Variants in TNFAIP8 observed in about 807,000 individuals in gnomAD.
TNFAIP8 encodes the protein tumor necrosis factor alpha-induced protein 8.
In TNFAIP8, 7 loss-of-function variants were observed where a neutral mutation model predicts 13.3. The observed-to-expected ratio is 0.52, with a 90% CI of 0.30 to 0.99. The LOEUF (loss-of-function observed/expected upper bound fraction) is 0.99, where lower values mean the gene tolerates loss of function less well. Among genes scored for constraint, TNFAIP8 ranks in the 50% least tolerant of loss-of-function variants. The probability of loss-of-function intolerance (pLI) is 0.07; values close to 1 mark genes in which losing one functional copy is unlikely to be tolerated. For synonymous variants in TNFAIP8, 94 were observed against 87.6 expected, an observed-to-expected ratio of 1.07 and a Z score of -0.41; for missense variants, 258 against 236.9, an observed-to-expected ratio of 1.09 and a Z score of -0.58.
chr5:119,322,228 C>T (rs1381537947), intron 1 of TNFAIP8, among the ~76,000 whole-genome samples: 4 of 152,178 alleles, frequency 2.6e-5, no homozygotes, highest in Non-Finnish European at 5.9e-5. Context: ...CCTGTTTTTC[C>T]AGCTATTTTG....
rs1753019208 is a variant in TNFAIP8 at position 119,394,463 on chromosome 5, T to C, written c.*1082T>C. 1 of 152,176 alleles carries C rather than the reference T, an allele frequency of 6.6e-6. No homozygotes were observed. The highest frequency in any genetic ancestry group is 1.5e-5 in the Non-Finnish European group (1 of 68,028). The allele number at this position is 152,176 out of a possible 1,614,324, so 9.4% of individuals were successfully genotyped here. ...TATTTCAAGCAGTTTGTGTGGTGTT[T>C]CTATATAATTTTCTGTGTATAAATA... On this transcript the variant is annotated 3_prime_UTR_variant, in exon 2 of 2. Transcript: ENST00000504771.
chr5:119,314,732 A>C, intron 1 of TNFAIP8, among the ~76,000 whole-genome samples: 1 of 152,200 alleles, frequency 6.6e-6, no homozygotes, highest in Non-Finnish European at 1.5e-5. Flanking sequence ...TGCCTTGGAT[A>C]AATTTCTTAA....
intron 1 of TNFAIP8, among the ~76,000 whole-genome samples, chr5:119,272,977 C>T (rs545315751): frequency 6.6e-6 from 1 of 152,166 alleles, no homozygotes; most frequent in Non-Finnish European, 1.5e-5. Context: ...CCTCTGGGTT[C>T]GTTTCTTTAA....
intron 1 of TNFAIP8, among the ~76,000 whole-genome samples, chr5:119,322,267 A>G (rs532308338): frequency 2.6e-5 from 4 of 152,334 alleles, no homozygotes; most frequent in South Asian, 2.1e-4. Context: ...CTCTATCCCC[A>G]GCACCATCAG....
At chr5:119,369,773 G>A (rs1394217223) in intron 1 of TNFAIP8, among the ~76,000 whole-genome samples, 1 of 152,176 alleles carries the variant, frequency 6.6e-6, no homozygotes, top group Non-Finnish European at 1.5e-5. Context: ...AGGCTTGGTA[G>A]GACCTTTTTC....
At chr5:119,386,101 A>C (rs913426415) in intron 1 of TNFAIP8, among the ~76,000 whole-genome samples, 1 of 152,212 alleles carries the variant, frequency 6.6e-6, no homozygotes, top group Non-Finnish European at 1.5e-5. Context: ...GAAAAAGAAC[A>C]CTAGTGCATT....
intron 1 of TNFAIP8, among the ~76,000 whole-genome samples, chr5:119,358,099 C>CTTT (rs5870854): frequency 2.1e-5 from 3 of 141,688 alleles, no homozygotes; most frequent in African/African-American, 5.2e-5. Context: ...TTATACGTAG[C>CTTT]TTTTTTTTTT....
In TNFAIP8 at chr5:119,356,110, A is replaced by G. The variant is rs1751399511; in HGVS notation, c.20A>G (p.Glu7Gly). The G allele has an allele frequency of 1.3e-6, 2 of 1,586,856 alleles. No individual in the cohort carries two copies. The change falls in exon 1 of 2, where the codon GAA becomes GGA. Residue 7 changes from glutamate (E) to glycine (G), a missense_variant. Glu to Gly is a moderately conservative substitution (Grantham distance 98, BLOSUM62 -2). Coordinates refer to ENST00000504771, the MANE Select transcript of TNFAIP8 (RefSeq NM_014350.4). MHSEAE[E>G]SKEVATDVFN... is the part of the protein sequence containing the mutation. ...GACATTATGCACTCCGAAGCAGAAG[A>G]ATCCAAGGAAGGTAGGATTCTGGTT...
intron 1 of TNFAIP8, among the ~76,000 whole-genome samples, chr5:119,342,410 G>T (rs939207759): frequency 6.6e-6 from 1 of 152,236 alleles, no homozygotes; most frequent in East Asian, 1.9e-4. Context: ...TGTAAGAGCT[G>T]GGTGTCACCC....
intron 1 of TNFAIP8, among the ~76,000 whole-genome samples, chr5:119,299,830 A>C (rs1435941940): frequency 6.6e-6 from 1 of 152,032 alleles, no homozygotes; most frequent in Non-Finnish European, 1.5e-5. Context: ...CCCTTCCCCC[A>C]GCCTCGCTGC....
intron 1 of TNFAIP8, among the ~76,000 whole-genome samples, chr5:119,370,955 A>G (rs1258833293): frequency 6.6e-6 from 1 of 152,184 alleles, no homozygotes; most frequent in Admixed American, 6.5e-5. Flanking sequence ...TTTTGCCTGT[A>G]TCTAAGATTG....
chr5:119,341,033 G>A (rs939907304), intron 1 of TNFAIP8, among the ~76,000 whole-genome samples: 7 of 151,744 alleles, frequency 4.6e-5, no homozygotes, highest in South Asian at 2.1e-4. Context: ...TTTCAAAGCC[G>A]TAGACACCTT....
chr5:119,306,318 CTTTTTCTT>C lies in TNFAIP8; in HGVS notation c.1+37417_1+37424del, dbSNP rs368668988. 3.4e-3 allele frequency: 408 copies of C among 121,762 alleles called. 4 individuals are homozygous for C. Among genetic ancestry groups the C allele is most frequent in the African/African-American group, 0.016 (394 of 24,118 alleles). 7.5% of individuals were successfully genotyped at this position (121,762 alleles called of 1,614,324 possible). A position where few individuals can be genotyped will look rare whatever the true frequency, so the allele number is the denominator to read the frequency against. Reference sequence around the variant, plus strand: ...TCTTTTCTTTTTTCTTTCTTTCTTTCTTTTTCTTTTTTTTTTTTTTTTCCAAGATGGGG... The same window carrying C: ...TCTTTTCTTTTTTCTTTCTTTCTTTCTTTTTTTTTTTTTTCCAAGATGGGG... On this transcript the variant is annotated intron_variant, in intron 1 of 1. Coordinates refer to the TNFAIP8 transcript ENST00000274456.
chr5:119,361,781 G>A (rs1353452230), intron 1 of TNFAIP8, among the ~76,000 whole-genome samples: 6 of 152,196 alleles, frequency 3.9e-5, no homozygotes, highest in Admixed American at 3.9e-4. Context: ...CAGCCAGGCT[G>A]AGAAGCTGGG....
At chr5:119,302,717 A>C (rs1749434490) in intron 1 of TNFAIP8, among the ~76,000 whole-genome samples, 1 of 152,188 alleles carries the variant, frequency 6.6e-6, no homozygotes, top group Non-Finnish European at 1.5e-5. Flanking sequence ...TTCATAATTA[A>C]CACTTAAAGC....
intron 1 of TNFAIP8, among the ~76,000 whole-genome samples, chr5:119,350,998 CTGTGTGTGTGTGTGTG>C (rs70982476): frequency 4.4e-5 from 6 of 137,872 alleles, no homozygotes; most frequent in African/African-American, 1.4e-4. Flanking sequence ...GGGTCTCACT[CTGTGTGTGTGTGTGTG>C]TGTGTGTGTG....
intron 1 of TNFAIP8, among the ~76,000 whole-genome samples, chr5:119,364,477 A>C (rs992132614): frequency 3.3e-5 from 5 of 151,954 alleles, no homozygotes; most frequent in Middle Eastern, 6.4e-3. Context: ...CCTGCCAAGT[A>C]GCTGGGACTA....
intron 1 of TNFAIP8, among the ~76,000 whole-genome samples, chr5:119,338,205 CA>C (rs1333260739): frequency 0.025 from 3,644 of 147,298 alleles, 152 homozygotes; most frequent in African/African-American, 0.089. Flanking sequence ...CACACACACA[CA>C]CACACCTTCT....
intron 1 of TNFAIP8, among the ~76,000 whole-genome samples, chr5:119,306,137 C>T (rs1014396578): frequency 6.6e-5 from 10 of 152,278 alleles, no homozygotes; most frequent in African/African-American, 9.6e-5. Context: ...CTACCTCTAG[C>T]GTGGAGAACA....
Sources: gnomAD v4.1 joint callset for allele counts (sites outside exome capture counted in the v4.1 genomes callset) on GRCh38, gnomAD v4.1.1 for gene constraint, MANE v1.5 for transcripts, NCBI Gene and HGNC (gene_info 2026-07-23, HGNC 2026-07-21) for gene names.